EMCN: variants seen among roughly 807,000 people sequenced by gnomAD.
EMCN encodes the protein endomucin.
Under a neutral mutation model 38.4 loss-of-function variants are expected in EMCN, and 37 were observed. The observed-to-expected ratio is 0.96, with a 90% CI of 0.74 to 1.27. The LOEUF is 1.27. EMCN is among the 50% of genes most tolerant of loss of function. The pLI, the probability that EMCN is intolerant of heterozygous loss-of-function variation, is 0.00. For missense variants in EMCN, 318 were observed against 302.8 expected (o/e 1.05, Z -0.37); for synonymous variants, 95 against 100.8 (o/e 0.94, Z 0.35).
chr4:100,482,808 G>A (rs1430532936), intron 1 of EMCN, among the ~76,000 whole-genome samples: 1 of 152,082 alleles, frequency 6.6e-6, no homozygotes, highest in Non-Finnish European at 1.5e-5. Flanking sequence ...GGATCAAGCT[G>A]CAAGCCTTCA....
chr4:100,508,389 G>T (rs904067998), intron 1 of EMCN, among the ~76,000 whole-genome samples: 2 of 152,058 alleles, frequency 1.3e-5, no homozygotes, highest in Admixed American at 1.3e-4. Context: ...TTTAGTGAAA[G>T]TACCCTTTCT....
chr4:100,451,349 T>C (rs895287998), intron 4 of EMCN, among the ~76,000 whole-genome samples: 3 of 151,826 alleles, frequency 2.0e-5, no homozygotes. Flanking sequence ...CCTTGATGAA[T>C]ATGAATGTGT....
At chr4:100,509,849 A>G (rs1239937378) in intron 1 of EMCN, among the ~76,000 whole-genome samples, 1 of 152,314 alleles carries the variant, frequency 6.6e-6, no homozygotes, top group Admixed American at 6.5e-5. Context: ...AAATTTATGG[A>G]ACGGTTTCCT....
intron 8 of EMCN, among the ~76,000 whole-genome samples, chr4:100,420,019 T>C (rs1726845231): frequency 6.6e-6 from 1 of 152,118 alleles, no homozygotes; most frequent in African/African-American, 2.4e-5. Flanking sequence ...ATAATTGCTT[T>C]TTACCTTCTA....
intron 1 of EMCN, among the ~76,000 whole-genome samples, chr4:100,481,476 G>T (rs1170470295): frequency 6.6e-6 from 1 of 152,052 alleles, no homozygotes; most frequent in Non-Finnish European, 1.5e-5. Flanking sequence ...ATACAGAAAT[G>T]ATAGAACTGC....
chr4:100,516,231 A>G (rs1258319568), intron 1 of EMCN, among the ~76,000 whole-genome samples: 2 of 152,104 alleles, frequency 1.3e-5, no homozygotes, highest in African/African-American at 4.8e-5. Flanking sequence ...CTGCCAGTAC[A>G]TCTCTGGATT....
At chr4:100,508,926 G>A (rs1729555379) in intron 1 of EMCN, among the ~76,000 whole-genome samples, 1 of 152,174 alleles carries the variant, frequency 6.6e-6, no homozygotes, top group South Asian at 2.1e-4. Context: ...AACCAAACGA[G>A]TATTCCAAAA....
chr4:100,431,377 T>C (rs1052338839), intron 5 of EMCN, among the ~76,000 whole-genome samples: 1 of 152,172 alleles, frequency 6.6e-6, no homozygotes, highest in African/African-American at 2.4e-5. Flanking sequence ...TTAGGGTGCT[T>C]TTGGATAAGG....
chr4:100,482,189 T>C (rs538313434), intron 1 of EMCN, among the ~76,000 whole-genome samples: 9 of 152,220 alleles, frequency 5.9e-5, no homozygotes, highest in Non-Finnish European at 1.2e-4. Flanking sequence ...TAAATCTCTG[T>C]AGTAGATTAC....
intron 5 of EMCN, among the ~76,000 whole-genome samples, chr4:100,443,551 A>G (rs1025384212): frequency 6.6e-6 from 1 of 152,222 alleles, no homozygotes; most frequent in East Asian, 1.9e-4. Flanking sequence ...TTAGCTGAAG[A>G]AAACTATTTT....
intron 11 of EMCN, among the ~76,000 whole-genome samples, chr4:100,407,452 A>T (rs1450960580): frequency 6.6e-6 from 1 of 152,182 alleles, no homozygotes; most frequent in African/African-American, 2.4e-5. Context: ...TTGTCTGAAA[A>T]GGATTTTATT....
At chr4:100,417,399 T>A (rs1726766352) in intron 8 of EMCN, among the ~76,000 whole-genome samples, 1 of 152,206 alleles carries the variant, frequency 6.6e-6, no homozygotes, top group Non-Finnish European at 1.5e-5. Flanking sequence ...GATCTTGTAG[T>A]TTCATATCAC....
intron 1 of EMCN, among the ~76,000 whole-genome samples, chr4:100,513,150 G>A (rs1729671118): frequency 6.6e-6 from 1 of 152,108 alleles, no homozygotes; most frequent in Non-Finnish European, 1.5e-5. Flanking sequence ...TTTGAAAGTA[G>A]GAGTTCTAGA....
intron 1 of EMCN, among the ~76,000 whole-genome samples, chr4:100,502,511 A>T (rs371509606): frequency 6.6e-6 from 1 of 152,166 alleles, no homozygotes; most frequent in African/African-American, 2.4e-5. Context: ...TTTAACTCCT[A>T]TATCAATGTC....
chr4:100,496,720 A>T (rs1296880103), intron 1 of EMCN, among the ~76,000 whole-genome samples: 1 of 152,226 alleles, frequency 6.6e-6, no homozygotes, highest in African/African-American at 2.4e-5. Flanking sequence ...CATGGTAAAA[A>T]CATGAAAGCA....
At chr4:100,398,610 A>G (rs1168186066) in intron 11 of EMCN, among the ~76,000 whole-genome samples, 3 of 151,804 alleles carry the variant, frequency 2.0e-5, no homozygotes, top group Non-Finnish European at 2.9e-5. Context: ...CACAATCTCA[A>G]TCTTTGGTAT....
At chr4:100,446,628 G>T (rs966303032) in intron 5 of EMCN, among the ~76,000 whole-genome samples, 9 of 151,972 alleles carry the variant, frequency 5.9e-5, no homozygotes, top group Non-Finnish European at 1.0e-4. Flanking sequence ...ACACATGCAG[G>T]TTTGCTATAT....
intron 4 of EMCN, among the ~76,000 whole-genome samples, chr4:100,462,909 A>G (rs1257980813): frequency 6.6e-6 from 1 of 152,150 alleles, no homozygotes; most frequent in Non-Finnish European, 1.5e-5. Flanking sequence ...TCTAGACAAG[A>G]GTAGGTCTTG....
chr4:100,474,911 GT>G, intron 3 of EMCN, 126 bp downstream of exon 3: 1 of 405,250 alleles, frequency 2.5e-6, no homozygotes, highest in Non-Finnish European at 4.5e-6. Flanking sequence ...GAAATTAATA[GT>G]GGTGGTGGCT....
Sources: gnomAD v4.1 joint callset for allele counts (sites outside exome capture counted in the v4.1 genomes callset) on GRCh38, gnomAD v4.1.1 for gene constraint, MANE v1.5 for transcripts, NCBI Gene and HGNC (gene_info 2026-07-23, HGNC 2026-07-21) for gene names.